The following TYW1B variants were observed in gnomAD, a reference collection of about 807,000 sequenced individuals.
The protein encoded by TYW1B is tRNA-yW synthesizing protein 1 homolog B, also known as S-adenosyl-L-methionine-dependent tRNA 4-demethylwyosine synthase TYW1B.
In TYW1B, 73 loss-of-function variants were observed where a neutral mutation model predicts 86.9. The ratio of observed to expected loss-of-function variants is 0.84; its 90% CI spans 0.70 to 1.02. The LOEUF (loss-of-function observed/expected upper bound fraction) is 1.02, where lower values mean the gene tolerates loss of function less well. Ranked by LOEUF, TYW1B falls within the 50% of genes least tolerant of loss-of-function variation. The pLI is 0.00. For synonymous variants in TYW1B, 248 were observed against 292.8 expected, an observed-to-expected ratio of 0.85 and a Z score of 1.56; for missense variants, 637 against 827.4, an observed-to-expected ratio of 0.77 and a Z score of 2.82.
intron 13 of TYW1B, among the ~76,000 whole-genome samples, chr7:72,603,088 CAGATGAT>C (rs1387423319): frequency 4.0e-5 from 6 of 150,982 alleles, no homozygotes; most frequent in Admixed American, 6.6e-5. Flanking sequence ...GACAGACAGA[CAGATGAT>C]GGATGGATGG....
At chr7:72,765,200 G>A (rs1554468108) in intron 7 of TYW1B, among the ~76,000 whole-genome samples, 1 of 152,168 alleles carries the variant, frequency 6.6e-6, no homozygotes, top group Non-Finnish European at 1.5e-5. Context: ...AAGATTGTAC[G>A]TGAGATCTAA....
chr7:72,583,999 A>T (rs1392927697), intron 13 of TYW1B, among the ~76,000 whole-genome samples: 1 of 152,240 alleles, frequency 6.6e-6, no homozygotes, highest in Non-Finnish European at 1.5e-5. Context: ...CAGAACTAAT[A>T]GTCATGTCTT....
Position 72,682,177 on chromosome 7 carries a change from C to T in TYW1B, c.1506+12510G>A, listed in dbSNP as rs1306359845. Among the ~76,000 whole-genome samples, 3 of 151,556 alleles carry T rather than the reference C, an allele frequency of 2.0e-5. No individual in the cohort carries two copies. In the East Asian group the frequency reaches 5.8e-4, roughly 29 times the overall value. On this transcript the variant is annotated intron_variant, in intron 11 of 13. Coordinates refer to ENST00000620995, the MANE Select transcript of TYW1B (RefSeq NM_001145440.3). ...AAAGGCATGAGCCACCACACATAGC[C>T]TATAATTACTTATATAGAAAGATAT...
Position 72,692,040 on chromosome 7 carries a change from T to C in TYW1B, c.1506+2647A>G, listed in dbSNP as rs191714218. Among the ~76,000 whole-genome samples the C allele has an allele frequency of 8.6e-5, 13 of 151,428 alleles. No individual in the cohort carries two copies. The East Asian group carries it at 2.3e-3, about 27-fold the overall frequency. On this transcript the variant is annotated intron_variant, in intron 11 of 13. Transcript: ENST00000620995. Reference sequence around the variant, plus strand: ...GGCCAACATGGTGAAACCCCATCTCTACTAAAAATACAAAAACTAGCCGGG... The same window carrying C: ...GGCCAACATGGTGAAACCCCATCTCCACTAAAAATACAAAAACTAGCCGGG...
At chr7:72,667,646 G>A (rs1344560599) in intron 11 of TYW1B, among the ~76,000 whole-genome samples, 34 of 152,300 alleles carry the variant, frequency 2.2e-4, no homozygotes, top group African/African-American at 5.8e-4. Context: ...CCGGGAGGTG[G>A]AGGCTGCAGT....
chr7:72,745,138 C>A (rs1429343815), intron 7 of TYW1B, among the ~76,000 whole-genome samples: 1 of 152,198 alleles, frequency 6.6e-6, no homozygotes, highest in Non-Finnish European at 1.5e-5. Context: ...AATCCTCCTG[C>A]CTCAGACTCT....
intron 11 of TYW1B, among the ~76,000 whole-genome samples, chr7:72,675,173 T>C (rs554710222): frequency 2.1e-3 from 317 of 151,880 alleles, no homozygotes; most frequent in African/African-American, 7.1e-3. Flanking sequence ...CCGGGGTGGG[T>C]GGATCACCTG....
chr7:72,593,819 C>CA, intron 13 of TYW1B, among the ~76,000 whole-genome samples: 1 of 55,650 alleles, frequency 1.8e-5, no homozygotes, highest in Non-Finnish European at 2.9e-5. Flanking sequence ...CAGACTCCAT[C>CA]TAAAAAAAAA....
intron 7 of TYW1B, among the ~76,000 whole-genome samples, chr7:72,750,945 G>A (rs571559361): frequency 2.6e-5 from 4 of 152,014 alleles, no homozygotes; most frequent in Non-Finnish European, 5.9e-5. Context: ...TTAAATTAGG[G>A]ATACTCAGCC....
At chr7:72,780,244 GT>G (rs1412595833) in intron 6 of TYW1B, among the ~76,000 whole-genome samples, 4 of 151,782 alleles carry the variant, frequency 2.6e-5, no homozygotes, top group Non-Finnish European at 5.9e-5. Context: ...AGTTTGCTTT[GT>G]TTTTTTTAAT....
intron 13 of TYW1B, among the ~76,000 whole-genome samples, chr7:72,584,041 G>A (rs1239124611): frequency 1.3e-5 from 2 of 152,132 alleles, no homozygotes; most frequent in Non-Finnish European, 2.9e-5. Context: ...GGCAAAGAGA[G>A]GCTTTTTGTT....
chr7:72,703,017 TA>T (rs1814519557), intron 10 of TYW1B, among the ~76,000 whole-genome samples: 2,532 of 73,100 alleles, frequency 0.035, 97 homozygotes, highest in African/African-American at 0.061. Flanking sequence ...TATATATATA[TA>T]TATATATATT....
chr7:72,753,971 C>A (rs1787545476), intron 7 of TYW1B, among the ~76,000 whole-genome samples: 1 of 152,080 alleles, frequency 6.6e-6, no homozygotes, highest in Non-Finnish European at 1.5e-5. Context: ...TTGCAGTGGT[C>A]TGGAACGAAA....
At chr7:72,722,358 C>G (rs1554457724) in intron 9 of TYW1B, among the ~76,000 whole-genome samples, 2 of 152,168 alleles carry the variant, frequency 1.3e-5, no homozygotes, top group African/African-American at 4.8e-5. Context: ...CTGACAAAGA[C>G]AGTGCAATCA....
At chr7:72,750,889 G>A (rs1292193134) in intron 7 of TYW1B, among the ~76,000 whole-genome samples, 1 of 152,118 alleles carries the variant, frequency 6.6e-6, no homozygotes, top group Non-Finnish European at 1.5e-5. Flanking sequence ...CATCATGTCA[G>A]TGCTCAAAAC....
At chr7:72,738,142 G>A (rs562418285) in intron 8 of TYW1B, among the ~76,000 whole-genome samples, 21 of 146,122 alleles carry the variant, frequency 1.4e-4, no homozygotes, top group African/African-American at 4.3e-4. Flanking sequence ...GTGCAGTGGC[G>A]TGATCTCAGC....
intron 11 of TYW1B, among the ~76,000 whole-genome samples, chr7:72,659,610 T>C (rs782697545): frequency 2.0e-5 from 3 of 151,344 alleles, no homozygotes; most frequent in Non-Finnish European, 4.4e-5. Flanking sequence ...AAAAAACTGG[T>C]GAATATGTGT....
chr7:72,678,374 C>T, intron 11 of TYW1B, among the ~76,000 whole-genome samples: 1 of 152,050 alleles, frequency 6.6e-6, no homozygotes. Context: ...AATGAGAAAA[C>T]AAACCATATC....
chr7:72,786,573 CTTTT>C (rs10630508), intron 6 of TYW1B, among the ~76,000 whole-genome samples: 24 of 107,446 alleles, frequency 2.2e-4, no homozygotes, highest in Non-Finnish European at 3.5e-4. Flanking sequence ...ATTCTTTTTT[CTTTT>C]TTTTTTTTTT....
Sources: gnomAD v4.1 joint callset for allele counts (sites outside exome capture counted in the v4.1 genomes callset) on GRCh38, gnomAD v4.1.1 for gene constraint, MANE v1.5 for transcripts, NCBI Gene and HGNC (gene_info 2026-07-23, HGNC 2026-07-21) for gene names.